Variants in RIPOR2 observed in about 807,000 individuals in gnomAD.
RIPOR2 encodes the protein rho family-interacting cell polarization regulator 2.
Under a neutral mutation model 114.5 loss-of-function variants are expected in RIPOR2, and 39 were observed. The ratio of observed to expected loss-of-function variants is 0.34; its 90% CI spans 0.26 to 0.44. The LOEUF (loss-of-function observed/expected upper bound fraction) is 0.44. RIPOR2 is among the 20% of genes least tolerant of loss of function. The pLI, the probability that RIPOR2 is intolerant of heterozygous loss-of-function variation, is 1.00. For missense variants in RIPOR2, 1,007 were observed against 1,255.1 expected, an observed-to-expected ratio of 0.80 and a Z score of 2.99; for synonymous variants, 445 against 484.4, an observed-to-expected ratio of 0.92 and a Z score of 1.07.
intron 19 of RIPOR2, among the ~76,000 whole-genome samples, chr6:24,819,662 A>ATTTTTTTTTTTTTTTTTTT (rs35638159): frequency 9.7e-6 from 1 of 103,310 alleles, no homozygotes; most frequent in Non-Finnish European, 2.0e-5. Context: ...CGCCCAGCTA[A>ATTTTTTTTTTTTTTTTTTT]TTTTTTTTTT....
chr6:24,975,846 T>A, intron 1 of RIPOR2, among the ~76,000 whole-genome samples: 1 of 152,152 alleles, frequency 6.6e-6, no homozygotes, highest in South Asian at 2.1e-4. Flanking sequence ...TAAATATATA[T>A]AATTTTTATT....
chr6:24,965,145 T>A (rs1421058170), intron 1 of RIPOR2, among the ~76,000 whole-genome samples: 8 of 152,018 alleles, frequency 5.3e-5, no homozygotes, highest in African/African-American at 1.9e-4. Flanking sequence ...TTTTTTATTT[T>A]TTTTATTTTA....
intron 1 of RIPOR2, among the ~76,000 whole-genome samples, chr6:25,009,664 C>T (rs1324977679): frequency 2.0e-5 from 3 of 152,110 alleles, no homozygotes; most frequent in African/African-American, 7.2e-5. Context: ...CCGCAGAAAC[C>T]GTGTTTTAAA....
At chr6:25,002,020 T>C (rs951825391) in intron 1 of RIPOR2, among the ~76,000 whole-genome samples, 28 of 152,322 alleles carry the variant, frequency 1.8e-4, no homozygotes, top group African/African-American at 6.5e-4. Flanking sequence ...TGGGCCTTAC[T>C]TTCTCTGATG....
chr6:24,927,263 C>CAA, intron 1 of RIPOR2, among the ~76,000 whole-genome samples: 1 of 151,850 alleles, frequency 6.6e-6, no homozygotes, highest in African/African-American at 2.4e-5. Context: ...ACCACCACCA[C>CAA]CACAGCTACA....
chr6:24,999,693 C>A (rs889475263), intron 1 of RIPOR2, among the ~76,000 whole-genome samples: 10 of 151,706 alleles, frequency 6.6e-5, no homozygotes, highest in Non-Finnish European at 7.4e-5. Context: ...GTAGCTGGGA[C>A]TACAGGCGCC....
At position 25,020,096 on chromosome 6, in the gene RIPOR2, A is replaced by G. The variant is rs945460815; in HGVS notation, c.76+21755T>C. ...TCTCATTTGTATAGTTCTTTACTTT[A>G]AAAATTATTTCCAGTATTATGTATC... On this transcript the variant is annotated intron_variant, in intron 1 of 13. Transcript: ENST00000510784. 5.3e-5 allele frequency among the ~76,000 whole-genome samples: 8 copies of G among 152,164 alleles called. No homozygotes were observed. The East Asian group carries it at 1.5e-3, about 29-fold the overall frequency.
intron 1 of RIPOR2, among the ~76,000 whole-genome samples, chr6:24,981,358 G>T (rs949499570): frequency 1.3e-5 from 2 of 152,200 alleles, no homozygotes; most frequent in African/African-American, 4.8e-5. Context: ...TCTGAATGTA[G>T]GGGAGGAAAG....
chr6:24,855,286 G>C (rs1250468397), intron 8 of RIPOR2, among the ~76,000 whole-genome samples: 1 of 151,998 alleles, frequency 6.6e-6, no homozygotes, highest in East Asian at 1.9e-4. Flanking sequence ...CCTTGGCAGG[G>C]AGTGTGTATA....
intron 1 of RIPOR2, among the ~76,000 whole-genome samples, chr6:25,005,719 A>ATG (rs1263867796): frequency 9.4e-6 from 1 of 106,626 alleles, no homozygotes; most frequent in Admixed American, 9.5e-5. Flanking sequence ...ATATATATAT[A>ATG]TATATATATA....
At chr6:25,024,300 A>G in intron 1 of RIPOR2, 1 of 1,525,390 alleles carries the variant, frequency 6.6e-7, no homozygotes, top group East Asian at 2.3e-5. Flanking sequence ...GACATCCTCA[A>G]TGAACACCTT....
chr6:24,864,132 C>T (rs1207473942), intron 7 of RIPOR2, among the ~76,000 whole-genome samples: 12 of 152,078 alleles, frequency 7.9e-5, no homozygotes, highest in Non-Finnish European at 1.5e-4. Context: ...AGTAAAACTC[C>T]GTCTCTACTA....
intron 1 of RIPOR2, among the ~76,000 whole-genome samples, chr6:24,917,236 C>T (rs185811662): frequency 5.5e-4 from 83 of 152,104 alleles, no homozygotes; most frequent in African/African-American, 1.7e-3. Context: ...ATATTGAGGA[C>T]TTTGGGGACC....
At chr6:24,990,300 TG>T (rs1487385358) in intron 1 of RIPOR2, among the ~76,000 whole-genome samples, 1 of 152,204 alleles carries the variant, frequency 6.6e-6, no homozygotes, top group Non-Finnish European at 1.5e-5. Context: ...CTTTAATAGG[TG>T]GATATTTGCA....
In RIPOR2 at chr6:24,843,102, T is replaced by G. The variant is rs1761888920; in HGVS notation, c.1617A>C (p.Glu539Asp). ...ELKPVELDTS[E>D]GNITKQLVKR... The stretch of plus-strand genomic sequence containing the variant: ...TGACCAGCTGCTTTGTGATGTTTCC[T>G]TCCGAAGTGTCCAGTTCCACAGGCT... The change falls in exon 13 of 22, where the codon GAA becomes GAC. Residue 539 changes from glutamate (E) to aspartate (D), a missense_variant. Glu to Asp is a conservative substitution (Grantham distance 45). Coordinates refer to ENST00000643898, the MANE Select transcript of RIPOR2 (RefSeq NM_001286445.3). The G allele has an allele frequency of 6.2e-7, 1 of 1,614,024 alleles. No homozygotes were observed.
At chr6:24,977,630 G>A (rs1322223355) in intron 1 of RIPOR2, among the ~76,000 whole-genome samples, 2 of 152,100 alleles carry the variant, frequency 1.3e-5, no homozygotes, top group South Asian at 2.1e-4. Context: ...TAATAATCTC[G>A]ATGGAAGGAA....
In RIPOR2 at chr6:24,809,632, C is replaced by G. The variant is rs994571272; in HGVS notation, c.3043+85G>C. ...ACAGGGTACATGAAACTTCTCCTTA[C>G]TGGAGAAGGGAACATCTAAATGGGA... On this transcript the variant is annotated intron_variant, in intron 21 of 21. Transcript: ENST00000643898. 4.5e-5 allele frequency: 41 copies of G among 912,314 alleles called. 1 individual carries two copies. In the Admixed American group the frequency reaches 5.2e-4, roughly 11 times the overall value. The allele number at this position is 912,314 out of a possible 1,614,324, so 56.5% of individuals were successfully genotyped here. A position where few individuals can be genotyped will look rare whatever the true frequency, so the allele number is the denominator to read the frequency against.
chr6:24,970,612 G>A (rs895225797), intron 1 of RIPOR2, among the ~76,000 whole-genome samples: 10 of 152,098 alleles, frequency 6.6e-5, no homozygotes, highest in Middle Eastern at 3.2e-3. Flanking sequence ...TATAGCCTCC[G>A]GGTTCACATG....
At chr6:24,849,678 G>C (rs1004648701) in intron 11 of RIPOR2, 124 bp downstream of exon 11, 5 of 853,610 alleles carry the variant, frequency 5.9e-6, no homozygotes, top group Non-Finnish European at 9.3e-6. Flanking sequence ...CCTGGGGTGG[G>C]GCCCGAGATT....
Sources: gnomAD v4.1 joint callset for allele counts (sites outside exome capture counted in the v4.1 genomes callset) on GRCh38, gnomAD v4.1.1 for gene constraint, MANE v1.5 for transcripts, NCBI Gene and HGNC (gene_info 2026-07-23, HGNC 2026-07-21) for gene names.